CSPP1: variants seen among roughly 807,000 people sequenced by gnomAD.
CSPP1 encodes the protein centrosome and spindle pole associated protein 1.
Under a neutral mutation model 164.4 loss-of-function variants are expected in CSPP1, and 126 were observed. The observed-to-expected ratio is 0.77, with a 90% CI of 0.66 to 0.89. The LOEUF (loss-of-function observed/expected upper bound fraction) is 0.89, where lower values mean the gene tolerates loss of function less well. Ranked by LOEUF, CSPP1 falls within the 40% of genes least tolerant of loss-of-function variation. The pLI, the probability that CSPP1 is intolerant of heterozygous loss-of-function variation, is 0.00. For synonymous variants in CSPP1, 472 were observed against 476.7 expected (o/e 0.99, Z 0.13); for missense variants, 1,395 against 1,449.8 (o/e 0.96, Z 0.61).
intron 24 of CSPP1, among the ~76,000 whole-genome samples, chr8:67,167,048 C>CAT (rs1405061582): frequency 6.6e-6 from 1 of 152,188 alleles, no homozygotes; most frequent in Non-Finnish European, 1.5e-5. Flanking sequence ...GGGGTAAGGT[C>CAT]ATAGATCAAC....
intron 17 of CSPP1, among the ~76,000 whole-genome samples, chr8:67,142,271 T>C (rs1321286374): frequency 6.6e-6 from 1 of 152,128 alleles, no homozygotes; most frequent in Non-Finnish European, 1.5e-5. Flanking sequence ...AAGAAAAATG[T>C]CAATAAAAAT....
chr8:67,118,209 G>A (rs1250272370), intron 13 of CSPP1, 39 bp from the exon 14 acceptor site: 4 of 1,606,696 alleles, frequency 2.5e-6, no homozygotes, highest in Non-Finnish European at 2.6e-6. Context: ...AAATTGCAAT[G>A]AAATATGAGA....
intron 3 of CSPP1, among the ~76,000 whole-genome samples, chr8:67,078,050 C>T (rs1044512979): frequency 3.3e-5 from 5 of 152,030 alleles, no homozygotes; most frequent in Non-Finnish European, 5.9e-5. Context: ...TCCAGCCCTA[C>T]GTTTTTATGA....
At chr8:67,123,591 T>A (rs921719832) in intron 15 of CSPP1, among the ~76,000 whole-genome samples, 1 of 151,832 alleles carries the variant, frequency 6.6e-6, no homozygotes, top group African/African-American at 2.4e-5. Flanking sequence ...CCTCCTTTAT[T>A]ACCTTCTTTT....
At chr8:67,093,780 C>T (rs1812114988) in intron 6 of CSPP1, 139 bp downstream of exon 6, 1 of 473,640 alleles carries the variant, frequency 2.1e-6, no homozygotes, top group Non-Finnish European at 3.8e-6. Flanking sequence ...AAACCAAACA[C>T]AGGACATTTA....
At chr8:67,100,372 T>C (rs1231228199) in intron 7 of CSPP1, among the ~76,000 whole-genome samples, 1 of 152,164 alleles carries the variant, frequency 6.6e-6, no homozygotes, top group African/African-American at 2.4e-5. Context: ...AAAGATTTTT[T>C]AGTGTGGATA....
In CSPP1 at chr8:67,195,433, A is replaced by G. The variant is rs1346215906; in HGVS notation, c.3521A>G (p.Asp1174Gly). ...GATGACATCATGAAACACATAGGGG[A>G]TGACGGATCAAACTCTGTAGCAACT... ...DPDDIMKHIG[D>G]DGSNSVATEP... Residue 1174 changes from aspartate to glycine, a missense_variant, in exon 31 of 31, where the codon GAT becomes GGT. By Grantham distance (94) the Asp-to-Gly change is moderately conservative. Coordinates refer to ENST00000678616, the MANE Select transcript of CSPP1 (RefSeq NM_001382391.1). 3 of 1,614,052 alleles carry G rather than the reference A, an allele frequency of 1.9e-6. No homozygotes were observed. The African/African-American group carries it at 4.0e-5, about 22-fold the overall frequency.
At position 67,126,801 on chromosome 8, in the gene CSPP1, C is replaced by T. The variant is rs139874640; in HGVS notation, c.1698-5150C>T. ...ATTTTATTGTCAGTCTTTTGCTTGC[C>T]CTGGCTGGTATCACTGTTTTAGATA... On this transcript the variant is annotated intron_variant, in intron 15 of 30. Coordinates refer to ENST00000678616, the MANE Select transcript of CSPP1 (RefSeq NM_001382391.1). Among the ~76,000 whole-genome samples, 6 of 152,064 alleles carry T rather than the reference C, an allele frequency of 3.9e-5. No individual in the cohort carries two copies. The East Asian group carries it at 9.7e-4, about 24-fold the overall frequency.
intron 24 of CSPP1, among the ~76,000 whole-genome samples, chr8:67,169,286 A>T (rs2129565308): frequency 6.6e-6 from 1 of 152,284 alleles, no homozygotes; most frequent in South Asian, 2.1e-4. Flanking sequence ...GCCCTGGCAG[A>T]AAACACCCTT....
intron 1 of CSPP1, among the ~76,000 whole-genome samples, chr8:67,073,463 A>G (rs1312464868): frequency 6.6e-6 from 1 of 152,196 alleles, no homozygotes; most frequent in African/African-American, 2.4e-5. Context: ...GTAGAGATAG[A>G]TATTCCAAAT....
At position 67,083,531 on chromosome 8, in the gene CSPP1, C is replaced by CAAAA. The variant is rs1171275894; in HGVS notation, c.200-2461_200-2458dup. ...TGGGCAACAGAGTGAGACTTTGTCT[C>CAAAA]AAAAAAAAAAAAAAAAAATATATAT... On this transcript the variant is annotated intron_variant, in intron 3 of 30. Coordinates refer to ENST00000678616, the MANE Select transcript of CSPP1 (RefSeq NM_001382391.1). 1.4e-3 allele frequency among the ~76,000 whole-genome samples: 101 copies of CAAAA among 71,816 alleles called. 2 individuals are homozygous for CAAAA. The East Asian group carries it at 0.015, about 11-fold the overall frequency. 47.1% of individuals were successfully genotyped at this position (71,816 alleles called of 152,430 possible). A position where few individuals can be genotyped will look rare whatever the true frequency, so the allele number is the denominator to read the frequency against.
chr8:67,102,470 G>A (rs1814328278), intron 7 of CSPP1, among the ~76,000 whole-genome samples: 1 of 152,064 alleles, frequency 6.6e-6, no homozygotes, highest in African/African-American at 2.4e-5. Context: ...CGCGCCTATA[G>A]TCCCAGCTAC....
intron 15 of CSPP1, 95 bp from the exon 16 acceptor site, chr8:67,131,856 T>C: frequency 9.2e-7 from 1 of 1,089,566 alleles, no homozygotes; most frequent in East Asian, 2.6e-5. Flanking sequence ...TATTTTTAAA[T>C]GTATTTATAT....
rs1837916763 is a variant in CSPP1, at chr8:67,196,253, A to AATTACTAAAATCTTTT, written c.*661_*676dup. On this transcript the variant is annotated 3_prime_UTR_variant, in exon 31 of 31. Transcript: ENST00000678616. ...CTTGATATAAATAAATTTTTATTTT[A>AATTACTAAAATCTTTT]ATTACTAAAATCTTTTTAACTACTA... 6.6e-6 allele frequency: 1 copy of AATTACTAAAATCTTTT among 152,210 alleles called. No homozygotes were observed. The highest frequency in any genetic ancestry group is 2.1e-4 in the South Asian group (1 of 4,826). The allele number at this position is 152,210 out of a possible 1,614,324, so 9.4% of individuals were successfully genotyped here. A position where few individuals can be genotyped will look rare whatever the true frequency, so the allele number is the denominator to read the frequency against.
intron 15 of CSPP1, among the ~76,000 whole-genome samples, chr8:67,130,045 A>G (rs1015763628): frequency 1.3e-5 from 2 of 152,216 alleles, no homozygotes; most frequent in African/African-American, 2.4e-5. Flanking sequence ...CAACTTCAAT[A>G]GAAAGTACAA....
chr8:67,142,918 A>T (rs1273009022), intron 17 of CSPP1, among the ~76,000 whole-genome samples: 1 of 152,202 alleles, frequency 6.6e-6, no homozygotes, highest in East Asian at 1.9e-4. Context: ...ATTAAGACCT[A>T]AAAGAGTTGC....
chr8:67,188,961 G>A (rs1835445033), intron 28 of CSPP1, among the ~76,000 whole-genome samples: 1 of 151,952 alleles, frequency 6.6e-6, no homozygotes, highest in South Asian at 2.1e-4. Context: ...CCCCAGGTCA[G>A]AGAACAAGAG....
intron 28 of CSPP1, 150 bp from the exon 29 acceptor site, chr8:67,190,499 TA>T: frequency 3.2e-6 from 2 of 622,160 alleles, no homozygotes; most frequent in Non-Finnish European, 2.9e-6. Context: ...GTAAATTTAC[TA>T]AAAAAATCAC....
intron 13 of CSPP1, 134 bp downstream of exon 13, chr8:67,116,256 C>A (rs1476873170): frequency 1.6e-5 from 10 of 610,132 alleles, no homozygotes; most frequent in Non-Finnish European, 2.2e-5. Flanking sequence ...GAAATAAATT[C>A]TCTTGAAATT....
Sources: allele counts gnomAD v4.1 joint callset (sites outside exome capture counted in the v4.1 genomes callset), GRCh38; gene constraint gnomAD v4.1.1; transcripts MANE v1.5; gene names NCBI Gene and HGNC (gene_info 2026-07-23, HGNC 2026-07-21).